The following DMD variants were observed in gnomAD, a reference collection of about 807,000 sequenced individuals.
The protein encoded by DMD is mutant dystrophin.
Under a neutral mutation model 330.1 loss-of-function variants are expected in DMD, and 63 were observed. The observed-to-expected ratio is 0.19, with a 90% CI of 0.16 to 0.24. The LOEUF is 0.24. Ranked by LOEUF, DMD falls within the 10% of genes least tolerant of loss-of-function variation. The pLI, the probability that DMD is intolerant of heterozygous loss-of-function variation, is 1.00. For synonymous variants in DMD, 1,223 were observed against 959.8 expected, an observed-to-expected ratio of 1.27 and a Z score of -5.07; for missense variants, 3,344 against 2,684.1, an observed-to-expected ratio of 1.25 and a Z score of -5.43.
intron 54 of DMD, among the ~76,000 whole-genome samples, chrX:31,649,501 T>C (rs2080312270): frequency 9.0e-6 from 1 of 111,702 alleles, no homozygotes; most frequent in African/African-American, 3.3e-5. Flanking sequence ...TAGATCCATA[T>C]GGATCATGAC....
In DMD at chrX:32,510,122, C is replaced by A. The variant is rs950992896; in HGVS notation, c.2292+7886G>T. 3.6e-5 allele frequency among the ~76,000 whole-genome samples: 4 copies of A among 112,089 alleles called. No homozygotes were observed. The Admixed American group carries it at 3.8e-4, about 11-fold the overall frequency. On this transcript the variant is annotated intron_variant, in intron 18 of 78. Transcript: ENST00000357033. The stretch of plus-strand genomic sequence containing the variant: ...ACAGAGACAACAGGATTCAGCTCAA[C>A]TCGCTGACAGCTGAATAAAAGCTCA...
intron 55 of DMD, among the ~76,000 whole-genome samples, chrX:31,548,498 T>A (rs921592813): frequency 9.0e-6 from 1 of 111,324 alleles, no homozygotes; most frequent in Non-Finnish European, 1.9e-5. Flanking sequence ...CCAGAGCCTT[T>A]ATTCCCTCAC....
intron 1 of DMD, among the ~76,000 whole-genome samples, chrX:33,020,742 A>G (rs184540542): frequency 9.0e-6 from 1 of 111,656 alleles, no homozygotes; most frequent in South Asian, 3.8e-4. Flanking sequence ...GTATGATTAT[A>G]AAAAAATAGT....
At chrX:32,535,772 C>G (rs183397998) in intron 17 of DMD, among the ~76,000 whole-genome samples, 35 of 111,493 alleles carry the variant, frequency 3.1e-4, no homozygotes, top group African/African-American at 1.1e-3. Context: ...AAGACTCGCA[C>G]AAAACCTGGA....
intron 65 of DMD, among the ~76,000 whole-genome samples, chrX:31,208,183 C>T (rs921351363): frequency 9.0e-6 from 1 of 111,325 alleles, no homozygotes; most frequent in African/African-American, 3.3e-5. Flanking sequence ...GAACAATATG[C>T]TCAACTTCCA....
chrX:32,477,531 G>A (rs920399788), intron 21 of DMD, among the ~76,000 whole-genome samples: 2 of 110,880 alleles, frequency 1.8e-5, no homozygotes, highest in African/African-American at 6.5e-5. Flanking sequence ...GAGAGGCAAA[G>A]CAAGATTCTT....
At chrX:32,013,673 C>T (rs1008891336) in intron 44 of DMD, among the ~76,000 whole-genome samples, 2 of 111,838 alleles carry the variant, frequency 1.8e-5, no homozygotes, top group African/African-American at 3.3e-5. Context: ...CTCAATTATT[C>T]TGGATCCTGA....
At chrX:31,451,147 CCTT>C (rs1242757755) in intron 59 of DMD, among the ~76,000 whole-genome samples, 1 of 93,203 alleles carries the variant, frequency 1.1e-5, no homozygotes. Flanking sequence ...TTCCTTCCTT[CCTT>C]CTTTTCTTTC....
Position 33,018,704 on chromosome X carries a change from T to TA in DMD, c.93+1434dup, listed in dbSNP as rs549234751. Among the ~76,000 whole-genome samples, 11 of 111,889 alleles carry TA rather than the reference T, an allele frequency of 9.8e-5. No individual in the cohort carries two copies. In the South Asian group the frequency reaches 4.1e-3, roughly 42 times the overall value. ...ATTTGTCTGTATGTTTGTTTGAAAATATGTCTCTTGTCTGCTTCAGAATTC... is the reference window on the plus strand; with the variant it reads ...ATTTGTCTGTATGTTTGTTTGAAAATAATGTCTCTTGTCTGCTTCAGAATTC... On this transcript the variant is annotated intron_variant, in intron 2 of 78. Coordinates refer to ENST00000357033, the MANE Select transcript of DMD (RefSeq NM_004006.3).
At chrX:32,647,952 T>C (rs2059890531) in intron 9 of DMD, among the ~76,000 whole-genome samples, 1 of 112,091 alleles carries the variant, frequency 8.9e-6, no homozygotes, top group South Asian at 3.7e-4. Flanking sequence ...CTAGCTCGTA[T>C]TTAAGAGTTC....
chrX:31,587,903 T>C (rs1475802982), intron 55 of DMD, among the ~76,000 whole-genome samples: 1 of 111,860 alleles, frequency 8.9e-6, no homozygotes, highest in African/African-American at 3.3e-5. Flanking sequence ...CTTTTGGATA[T>C]TCCCTAAACA....
At chrX:33,025,236 G>A (rs1356038052) in intron 1 of DMD, among the ~76,000 whole-genome samples, 4 of 111,970 alleles carry the variant, frequency 3.6e-5, no homozygotes. Flanking sequence ...GTAGGAGGAG[G>A]ATAAAGATGA....
chrX:32,259,724 T>G (rs748309069), intron 43 of DMD, among the ~76,000 whole-genome samples: 5 of 111,906 alleles, frequency 4.5e-5, no homozygotes, highest in South Asian at 7.4e-4. Flanking sequence ...CTTCGAAGAC[T>G]GCTATGTATT....
At chrX:32,832,974 C>A (rs1445867398) in intron 4 of DMD, among the ~76,000 whole-genome samples, 1 of 111,226 alleles carries the variant, frequency 9.0e-6, no homozygotes, top group East Asian at 2.8e-4. Context: ...ATTTTGACCT[C>A]AACTATATTA....
intron 40 of DMD, chrX:32,342,903 A>C: frequency 2.2e-6 from 1 of 447,095 alleles, no homozygotes. Context: ...AACACATCAC[A>C]TTTCTTAAAT....
At chrX:32,961,990 T>C (rs1026393922) in intron 2 of DMD, among the ~76,000 whole-genome samples, 1 of 111,810 alleles carries the variant, frequency 8.9e-6, no homozygotes, top group Non-Finnish European at 1.9e-5. Context: ...GTACTTTTGA[T>C]TGTGGGAAAA....
chrX:31,176,296 T>G (rs1373736400), intron 71 of DMD, among the ~76,000 whole-genome samples: 1 of 111,684 alleles, frequency 9.0e-6, no homozygotes, highest in Non-Finnish European at 1.9e-5. Context: ...GAGGTGTGTT[T>G]TAGTTGTTAG....
At chrX:32,778,068 T>G in intron 7 of DMD, among the ~76,000 whole-genome samples, 1 of 111,765 alleles carries the variant, frequency 8.9e-6, no homozygotes, top group East Asian at 2.8e-4. Context: ...TGGTTCAACA[T>G]AGATTTGTCA....
chrX:31,275,990 C>G (rs1203247221), intron 62 of DMD, among the ~76,000 whole-genome samples: 1 of 112,017 alleles, frequency 8.9e-6, no homozygotes, highest in African/African-American at 3.2e-5. Context: ...TTAATAAAAC[C>G]CAGCACTAAG....
Sources: allele counts gnomAD v4.1 joint callset (sites outside exome capture counted in the v4.1 genomes callset), GRCh38; gene constraint gnomAD v4.1.1; transcripts MANE v1.5; gene names NCBI Gene and HGNC (gene_info 2026-07-23, HGNC 2026-07-21).